GRIP1: variants seen among roughly 807,000 people sequenced by gnomAD.
GRIP1 encodes glutamate receptor-interacting protein 1.
GRIP1 carries 45 observed loss-of-function variants against 129.9 expected under a neutral mutation model. That is an observed-to-expected ratio of 0.35 (90% confidence interval 0.27 to 0.44). The LOEUF is 0.44. Among genes scored for constraint, GRIP1 ranks in the 20% least tolerant of loss-of-function variants. GRIP1 has a pLI of 1.00. For missense variants in GRIP1, 1,196 were observed against 1,396.8 expected (o/e 0.86, Z 2.29); for synonymous variants, 530 against 520.8 (o/e 1.02, Z -0.24).
intron 1 of GRIP1, among the ~76,000 whole-genome samples, chr12:67,066,292 T>C (rs1302783459): frequency 2.0e-5 from 3 of 152,224 alleles, no homozygotes; most frequent in African/African-American, 7.2e-5. Context: ...AATCTTTGAA[T>C]TGAGATTGGC....
intron 2 of GRIP1, among the ~76,000 whole-genome samples, chr12:66,578,552 C>A (rs2063233160): frequency 6.6e-6 from 1 of 152,130 alleles, no homozygotes; most frequent in Admixed American, 6.5e-5. Context: ...TCACTCCCAC[C>A]CAAATACTGC....
intron 1 of GRIP1, among the ~76,000 whole-genome samples, chr12:66,932,857 C>T (rs910935889): frequency 7.9e-5 from 12 of 151,952 alleles, no homozygotes; most frequent in South Asian, 4.2e-4. Context: ...TTACTAGAGA[C>T]AGGGTTTCAC....
intron 1 of GRIP1, among the ~76,000 whole-genome samples, chr12:66,735,347 A>C (rs918880248): frequency 1.1e-4 from 17 of 152,226 alleles, no homozygotes; most frequent in African/African-American, 4.1e-4. Context: ...CATAGGAAAA[A>C]GACTGCAAGA....
At chr12:66,351,448 C>T (rs2054214743) in intron 24 of GRIP1, among the ~76,000 whole-genome samples, 1 of 151,960 alleles carries the variant, frequency 6.6e-6, no homozygotes, top group Non-Finnish European at 1.5e-5. Context: ...GTGAGAGATA[C>T]TGAGATATCA....
Position 66,392,385 on chromosome 12 carries a change from G to T in GRIP1, c.2387C>A (p.Pro796His), listed in dbSNP as rs751518904. The T allele has an allele frequency of 1.2e-6, 2 of 1,613,780 alleles. No individual in the cohort carries two copies. The highest frequency in any genetic ancestry group is 1.7e-5 in the Admixed American group (1 of 60,016). The change falls in exon 19 of 25, where the codon CCC (proline) becomes CAC (histidine). Residue 796 changes from proline (P) to histidine (H), a missense_variant. Physicochemically the swap from Pro to His is moderately conservative, Grantham distance 77. Transcript: ENST00000359742. ...QKPGKLSDMY[P>H]STVPSVDSAV... ...ACTGTCCACACTGGGCACCGTGGAG[G>T]GGTACATGTCGGAGAGCTTGCCTGG...
chr12:66,713,365 A>G (rs2035770794), intron 1 of GRIP1, among the ~76,000 whole-genome samples: 1 of 152,018 alleles, frequency 6.6e-6, no homozygotes, highest in African/African-American at 2.4e-5. Context: ...AAGAATAGTG[A>G]TAAGTACAAC....
intron 15 of GRIP1, among the ~76,000 whole-genome samples, chr12:66,419,043 A>G (rs1042665160): frequency 1.3e-5 from 2 of 152,202 alleles, no homozygotes; most frequent in East Asian, 3.8e-4. Context: ...CAAGCAACAT[A>G]AGTGTCCACT....
At chr12:66,448,410 A>G (rs1425442330) in intron 11 of GRIP1, among the ~76,000 whole-genome samples, 3 of 152,106 alleles carry the variant, frequency 2.0e-5, no homozygotes, top group Non-Finnish European at 4.4e-5. Flanking sequence ...CAGTACCTCA[A>G]TTTGGGCTTT....
At chr12:66,540,962 C>T (rs993143317) in intron 3 of GRIP1, among the ~76,000 whole-genome samples, 2 of 148,028 alleles carry the variant, frequency 1.4e-5, no homozygotes, top group East Asian at 3.9e-4. Flanking sequence ...TCACACCTGG[C>T]TTTTTTTTTT....
chr12:67,023,385 A>T (rs1805135432), intron 1 of GRIP1, among the ~76,000 whole-genome samples: 1 of 152,226 alleles, frequency 6.6e-6, no homozygotes, highest in African/African-American at 2.4e-5. Flanking sequence ...TTAAAAAGAT[A>T]ATCCTTTCTC....
intron 1 of GRIP1, among the ~76,000 whole-genome samples, chr12:66,942,403 C>T (rs11176489): frequency 0.03 from 4,594 of 151,790 alleles, 206 homozygotes; most frequent in African/African-American, 0.11. Context: ...ATTGCTACTT[C>T]TGTTCTTCTT....
intron 1 of GRIP1, among the ~76,000 whole-genome samples, chr12:67,067,443 T>C (rs1333964379): frequency 1.3e-5 from 2 of 152,164 alleles, no homozygotes; most frequent in Admixed American, 1.3e-4. Flanking sequence ...TGCTTTCATG[T>C]AGTGCTTTTA....
chr12:66,646,870 CAT>C (rs2032415829), intron 1 of GRIP1, among the ~76,000 whole-genome samples: 1 of 152,186 alleles, frequency 6.6e-6, no homozygotes, highest in African/African-American at 2.4e-5. Flanking sequence ...GGTGTCCTCT[CAT>C]GTGATACTCT....
intron 1 of GRIP1, among the ~76,000 whole-genome samples, chr12:66,699,283 T>C (rs1363881020): frequency 6.6e-6 from 1 of 152,208 alleles, no homozygotes; most frequent in Non-Finnish European, 1.5e-5. Context: ...ATAACTAACA[T>C]TTCTTCTTTC....
intron 1 of GRIP1, among the ~76,000 whole-genome samples, chr12:66,995,980 G>A (rs945561390): frequency 2.0e-5 from 3 of 152,122 alleles, no homozygotes; most frequent in Non-Finnish European, 2.9e-5. Context: ...ATATACATAC[G>A]ATGGAATATT....
intron 1 of GRIP1, among the ~76,000 whole-genome samples, chr12:66,837,804 G>C (rs946255460): frequency 1.3e-5 from 2 of 152,216 alleles, no homozygotes; most frequent in Middle Eastern, 6.8e-3. Context: ...AAAGGAGAAA[G>C]GTCAAATGTT....
chr12:66,367,182 C>T (rs1040625857), intron 23 of GRIP1, among the ~76,000 whole-genome samples: 2 of 152,102 alleles, frequency 1.3e-5, no homozygotes, highest in Non-Finnish European at 2.9e-5. Flanking sequence ...ATCACAGGCC[C>T]CTTATCTGCA....
At chr12:66,792,804 A>G (rs1312441552) in intron 1 of GRIP1, among the ~76,000 whole-genome samples, 4 of 152,214 alleles carry the variant, frequency 2.6e-5, no homozygotes, top group African/African-American at 9.6e-5. Context: ...CAAGTAGAAC[A>G]CTTTAACAAA....
Position 66,725,414 on chromosome 12 carries a change from T to C in GRIP1, c.-420+78639A>G, listed in dbSNP as rs147224281. Among the ~76,000 whole-genome samples the C allele has an allele frequency of 3.2e-3, 480 of 152,334 alleles. 2 individuals are homozygous for C. The highest frequency in any genetic ancestry group is 0.011 in the African/African-American group (450 of 41,576). On this transcript the variant is annotated intron_variant, in intron 1 of 4. Coordinates refer to the GRIP1 transcript ENST00000538373. ...AAGAATACATCATCTAGAGCTAATG[T>C]TGATATTAACTTTACAGTTTTTTGT... is the stretch of plus-strand genomic sequence containing the variant.
Sources: gnomAD v4.1 joint callset for allele counts (sites outside exome capture counted in the v4.1 genomes callset) on GRCh38, gnomAD v4.1.1 for gene constraint, MANE v1.5 for transcripts, NCBI Gene and HGNC (gene_info 2026-07-23, HGNC 2026-07-21) for gene names.